TSNARE1: variants seen among roughly 807,000 people sequenced by gnomAD.
TSNARE1 encodes the protein t-SNARE domain-containing protein 1.
TSNARE1 carries 49 observed loss-of-function variants against 62.0 expected under a neutral mutation model. The ratio of observed to expected loss-of-function variants is 0.79; its 90% confidence interval spans 0.63 to 1.00. TSNARE1 has a LOEUF of 1.00. Among genes scored for constraint, TSNARE1 ranks in the 50% least tolerant of loss-of-function variants. The pLI is 0.00. For synonymous variants in TSNARE1, 328 were observed against 294.4 expected (o/e 1.11, Z -1.17); for missense variants, 755 against 700.1 (o/e 1.08, Z -0.88).
intron 2 of TSNARE1, 137 bp from the exon 3 acceptor site, chr8:142,346,029 T>C (rs969574123): frequency 1.0e-6 from 1 of 975,964 alleles, no homozygotes; most frequent in Non-Finnish European, 1.5e-6. Context: ...AAGCCCTCCC[T>C]GCCTGCTATA....
intron 6 of TSNARE1, among the ~76,000 whole-genome samples, chr8:142,322,468 T>G (rs529379444): frequency 6.6e-6 from 1 of 152,136 alleles, no homozygotes; most frequent in South Asian, 2.1e-4. Context: ...AAATGAAGAG[T>G]AAAACTGTCT....
At chr8:142,327,633 A>G (rs1163803870) in intron 6 of TSNARE1, among the ~76,000 whole-genome samples, 10 of 152,200 alleles carry the variant, frequency 6.6e-5, no homozygotes, top group African/African-American at 2.4e-4. Context: ...CTTGCCTTCA[A>G]TCAAGTGGGA....
At chr8:142,380,941 C>T (rs1220190146) in intron 1 of TSNARE1, among the ~76,000 whole-genome samples, 3 of 152,188 alleles carry the variant, frequency 2.0e-5, no homozygotes, top group Admixed American at 2.0e-4. Context: ...CTCGCCCTCA[C>T]CCCCCACACA....
At position 142,319,504 on chromosome 8, in the gene TSNARE1, C is replaced by T. The variant is rs1829146337; in HGVS notation, c.894-870G>A. On this transcript the variant is annotated intron_variant, in intron 6 of 13. Transcript: ENST00000524325. This position sits in a 1 kb window ranked among gnomAD's most constrained non-coding sequence, Gnocchi z 4.9. ...ACCCCCATCCCTGGAGAGAGGAGCA[C>T]CAGGGCAACGGTACCCCAGCCCGGC... 6.6e-6 allele frequency among the ~76,000 whole-genome samples: 1 copy of T among 152,108 alleles called. No homozygotes were observed. Among genetic ancestry groups the T allele is most frequent in the African/African-American group, 2.4e-5 (1 of 41,420 alleles).
intron 6 of TSNARE1, among the ~76,000 whole-genome samples, chr8:142,330,069 G>A (rs1830789367): frequency 6.6e-6 from 1 of 152,240 alleles, no homozygotes; most frequent in Non-Finnish European, 1.5e-5. Context: ...CTGCACAGGG[G>A]AGTGCGAGGA....
chr8:142,257,775 C>T (rs969713489), intron 12 of TSNARE1, among the ~76,000 whole-genome samples: 1 of 152,094 alleles, frequency 6.6e-6, no homozygotes, highest in Non-Finnish European at 1.5e-5. Context: ...CCAGGCCACC[C>T]CTGCCAGACA....
At chr8:142,354,560 G>C (rs1332306749) in intron 2 of TSNARE1, 77 bp downstream of exon 2, 1 of 1,027,732 alleles carries the variant, frequency 9.7e-7, no homozygotes, top group African/African-American at 1.6e-5. Flanking sequence ...CCAGCCATCA[G>C]CATGACACAG....
chr8:142,402,044 T>C (rs1838328301), intron 1 of TSNARE1, among the ~76,000 whole-genome samples: 1 of 151,570 alleles, frequency 6.6e-6, no homozygotes, highest in Non-Finnish European at 1.5e-5. Flanking sequence ...AAACAAGAAA[T>C]ACTGTAGGGA....
Position 142,354,770 on chromosome 8 carries a change from G to A in TSNARE1, c.-39-7C>T, listed in dbSNP as rs747419413. 55 of 1,504,228 alleles carry A rather than the reference G, an allele frequency of 3.7e-5. No homozygotes were observed. Among genetic ancestry groups the A allele is most frequent in the Non-Finnish European group, 5.1e-5 (55 of 1,082,058 alleles). The allele number at this position is 1,504,228 out of a possible 1,614,324, so 93.2% of individuals were successfully genotyped here. On this transcript the variant is annotated splice_region_variant and splice_polypyrimidine_tract_variant and intron_variant, in intron 1 of 13. Coordinates refer to ENST00000524325, the MANE Select transcript of TSNARE1 (RefSeq NM_145003.5). ...CAGCAGCCTCCACACTGAGCTGGAG[G>A]AAACACGAAAAGCAGGGGGAAGAGG... is the stretch of plus-strand genomic sequence containing the variant.
Position 142,319,907 on chromosome 8 carries a change from G to A in TSNARE1, c.894-1273C>T, listed in dbSNP as rs892453465. 6.6e-6 allele frequency among the ~76,000 whole-genome samples: 1 copy of A among 152,156 alleles called. No individual in the cohort carries two copies. Among genetic ancestry groups the A allele is most frequent in the Non-Finnish European group, 1.5e-5 (1 of 68,000 alleles). On this transcript the variant is annotated intron_variant, in intron 6 of 13. Transcript: ENST00000524325. The surrounding 1 kb of genome is among the most constrained non-coding windows in gnomAD (Gnocchi z 4.9). ...CGGGGACAGGAGCTTTCTTCCCCGG[G>A]GCCTTGGTCAGGGCCGCCTCCTCCT... is the stretch of plus-strand genomic sequence containing the variant.
chr8:142,402,616 T>C (rs572123813), intron 1 of TSNARE1, among the ~76,000 whole-genome samples: 1 of 152,178 alleles, frequency 6.6e-6, no homozygotes, highest in Non-Finnish European at 1.5e-5. Flanking sequence ...CAGAAAGGCA[T>C]GGAGAGGCAA....
intron 12 of TSNARE1, among the ~76,000 whole-genome samples, chr8:142,240,749 C>A (rs1338028144): frequency 1.3e-5 from 2 of 151,896 alleles, no homozygotes; most frequent in Admixed American, 6.6e-5. Context: ...AGTAATGGGT[C>A]AAAGAAAAAT....
chr8:142,252,498 C>T (rs1409558091), intron 12 of TSNARE1, among the ~76,000 whole-genome samples: 3 of 152,330 alleles, frequency 2.0e-5, no homozygotes, highest in East Asian at 1.9e-4. Flanking sequence ...GGGGAAGAAG[C>T]GGCAGCCGCC....
chr8:142,337,034 G>T (rs1433400799), intron 4 of TSNARE1, among the ~76,000 whole-genome samples: 1 of 149,788 alleles, frequency 6.7e-6, no homozygotes, highest in African/African-American at 2.5e-5. Context: ...TAAATACTTA[G>T]AAAAAAAAAG....
At position 142,222,141 on chromosome 8, in the gene TSNARE1, TTCAC is replaced by T. The variant is rs1361111426; in HGVS notation, c.*11+7328_*11+7331del. Among the ~76,000 whole-genome samples, 266 of 112,168 alleles carry T rather than the reference TTCAC, an allele frequency of 2.4e-3. 22 individuals carry two copies. Among genetic ancestry groups the T allele is most frequent in the African/African-American group, 8.9e-3 (252 of 28,450 alleles). 73.6% of individuals were successfully genotyped at this position (112,168 alleles called of 152,430 possible). The stretch of plus-strand genomic sequence containing the variant: ...ACTCATTCACTCACTCATCCACTCA[TTCAC>T]TCACTCACTCATCCACTCATCCACT... On this transcript the variant is annotated intron_variant, in intron 13 of 13. Coordinates refer to ENST00000524325, the MANE Select transcript of TSNARE1 (RefSeq NM_145003.5).
At chr8:142,226,072 G>GT (rs1414069099) in intron 13 of TSNARE1, among the ~76,000 whole-genome samples, 2 of 152,126 alleles carry the variant, frequency 1.3e-5, no homozygotes, top group Middle Eastern at 3.2e-3. Flanking sequence ...ACCATAACCC[G>GT]TTAAGACCTT....
chr8:142,330,836 T>C lies in TSNARE1; in HGVS notation c.893+65A>G, dbSNP rs200427093. ...GCCCGTGTGCACAGGAGGACCACAC[T>C]CCCGCCCCTGCCCCCCAATGTGCAC... On this transcript the variant is annotated intron_variant, in intron 6 of 13. Coordinates refer to ENST00000524325, the MANE Select transcript of TSNARE1 (RefSeq NM_145003.5). 16 of 1,552,958 alleles carry C rather than the reference T, an allele frequency of 1.0e-5. No homozygotes were observed. In the East Asian group the frequency reaches 3.6e-4, roughly 35 times the overall value.
intron 6 of TSNARE1, among the ~76,000 whole-genome samples, chr8:142,325,641 AG>A (rs1683190857): frequency 6.6e-6 from 1 of 152,100 alleles, no homozygotes; most frequent in Non-Finnish European, 1.5e-5. Flanking sequence ...TCAGTCCAGA[AG>A]GACCCTAAGT....
At chr8:142,311,902 T>A (rs571283218) in intron 9 of TSNARE1, among the ~76,000 whole-genome samples, 1 of 152,340 alleles carries the variant, frequency 6.6e-6, no homozygotes, top group South Asian at 2.1e-4. Flanking sequence ...TATTGTTCAA[T>A]ACCAGAACTC....
Sources: gnomAD v4.1 joint callset for allele counts (sites outside exome capture counted in the v4.1 genomes callset) on GRCh38, gnomAD v4.1.1 for gene constraint, Gnocchi (gnomAD v3.1) non-coding constraint, MANE v1.5 for transcripts, NCBI Gene and HGNC (gene_info 2026-07-23, HGNC 2026-07-21) for gene names.